VSTM4: variants seen among roughly 807,000 people sequenced by gnomAD.
VSTM4 encodes V-set and transmembrane domain-containing protein 4.
Under a neutral mutation model 36.4 loss-of-function variants are expected in VSTM4, and 20 were observed. The ratio of observed to expected loss-of-function variants is 0.55; its 90% confidence interval spans 0.39 to 0.80. The LOEUF (loss-of-function observed/expected upper bound fraction) is 0.80. VSTM4 is among the 30% of genes least tolerant of loss of function. VSTM4 has a pLI of 0.00. For synonymous variants in VSTM4, 182 were observed against 173.9 expected (o/e 1.05, Z -0.37); for missense variants, 392 against 404.5 (o/e 0.97, Z 0.26).
rs1010456474 is a variant in VSTM4, at chr10:49,066,305, T to G, written c.635-1569A>C. 2.0e-5 allele frequency among the ~76,000 whole-genome samples: 3 copies of G among 152,224 alleles called. No individual in the cohort carries two copies. The East Asian group carries it at 5.8e-4, about 29-fold the overall frequency. On this transcript the variant is annotated intron_variant, in intron 4 of 7. Transcript: ENST00000332853. Reference sequence around the variant, plus strand: ...TCAAACAAGAATTAATGTAAAATACTAATATCTGTGTCAATAAAGCAAATT... The same window carrying G: ...TCAAACAAGAATTAATGTAAAATACGAATATCTGTGTCAATAAAGCAAATT...
intron 7 of VSTM4, among the ~76,000 whole-genome samples, chr10:49,032,938 CTTTT>C (rs10713552): frequency 2.8e-5 from 4 of 143,290 alleles, no homozygotes; most frequent in Non-Finnish European, 3.0e-5. Context: ...CACTCTGATT[CTTTT>C]TTTTTTTTTT....
intron 3 of VSTM4, among the ~76,000 whole-genome samples, chr10:49,083,617 C>G (rs1486880858): frequency 6.6e-6 from 1 of 152,220 alleles, no homozygotes; most frequent in African/African-American, 2.4e-5. Flanking sequence ...AGGCCTGATT[C>G]TCTCTGTTGA....
chr10:49,022,736 A>G (rs1333481928), intron 7 of VSTM4, among the ~76,000 whole-genome samples: 1 of 152,182 alleles, frequency 6.6e-6, no homozygotes, highest in African/African-American at 2.4e-5. Context: ...TGTGTCCTCA[A>G]ATAAGCACAC....
At chr10:49,071,307 G>A (rs965975371) in intron 4 of VSTM4, among the ~76,000 whole-genome samples, 22 of 152,178 alleles carry the variant, frequency 1.4e-4, no homozygotes, top group Admixed American at 1.0e-3. Flanking sequence ...ACTAATTCGC[G>A]AACAAGCAAA....
intron 3 of VSTM4, among the ~76,000 whole-genome samples, chr10:49,085,314 A>C (rs1392866867): frequency 6.6e-6 from 1 of 152,254 alleles, no homozygotes; most frequent in Non-Finnish European, 1.5e-5. Context: ...CTTCCAATTA[A>C]ATCAGAATCT....
intron 5 of VSTM4, among the ~76,000 whole-genome samples, chr10:49,062,975 T>G (rs1287189510): frequency 6.6e-6 from 1 of 152,050 alleles, no homozygotes; most frequent in Non-Finnish European, 1.5e-5. Context: ...TTGGCTGAGA[T>G]TTTTTTATTT....
At chr10:49,082,648 C>T (rs1366870623) in intron 3 of VSTM4, among the ~76,000 whole-genome samples, 2 of 152,090 alleles carry the variant, frequency 1.3e-5, no homozygotes, top group Admixed American at 6.5e-5. Flanking sequence ...GCACTCCATC[C>T]TGGACAACAA....
chr10:49,074,959 T>G (rs2131989205), intron 4 of VSTM4, among the ~76,000 whole-genome samples: 1 of 152,214 alleles, frequency 6.6e-6, no homozygotes, highest in East Asian at 1.9e-4. Flanking sequence ...TGCTGTCAGG[T>G]AAGAGCATTG....
chr10:49,035,034 G>A (rs1041126405), intron 7 of VSTM4, among the ~76,000 whole-genome samples: 3 of 152,208 alleles, frequency 2.0e-5, no homozygotes, highest in Admixed American at 6.5e-5. Context: ...GCTCTGCAGG[G>A]AGGGACAGTC....
intron 3 of VSTM4, among the ~76,000 whole-genome samples, chr10:49,080,002 G>T (rs1844250670): frequency 6.6e-6 from 1 of 151,928 alleles, no homozygotes; most frequent in Non-Finnish European, 1.5e-5. Context: ...TATGATAAAA[G>T]TTTATCATAT....
Position 49,107,797 on chromosome 10 carries a change from T to A in VSTM4, c.254A>T (p.Gln85Leu). The A allele has an allele frequency of 6.8e-6, 11 of 1,614,252 alleles. No individual in the cohort carries two copies. The highest frequency in any genetic ancestry group is 9.3e-6 in the Non-Finnish European group (11 of 1,180,036). The change falls in exon 2 of 8, where the codon CAG becomes CTG. Residue 85 changes from glutamine to leucine, a missense_variant. Coordinates refer to ENST00000332853, the MANE Select transcript of VSTM4 (RefSeq NM_001031746.5). Reference protein sequence around the residue: ...MVKMTKLRVVQYYGNFSRSAK... With the variant: ...MVKMTKLRVVLYYGNFSRSAK... ...GCTGCGGCTGAAATTCCCATAGTAC[T>A]GCACCACCCGGAGCTTGGTCATCTT...
intron 3 of VSTM4, among the ~76,000 whole-genome samples, chr10:49,080,239 C>T (rs1196142578): frequency 1.3e-5 from 2 of 152,192 alleles, no homozygotes; most frequent in Non-Finnish European, 1.5e-5. Flanking sequence ...TAGTTAAGTG[C>T]TTAAGCTGAA....
At chr10:49,053,925 T>C (rs1843737083) in intron 5 of VSTM4, among the ~76,000 whole-genome samples, 1 of 152,232 alleles carries the variant, frequency 6.6e-6, no homozygotes, top group African/African-American at 2.4e-5. Context: ...GCAGCCAACC[T>C]AGATTTTGCA....
At chr10:49,084,082 G>A (rs1013327923) in intron 3 of VSTM4, among the ~76,000 whole-genome samples, 3 of 152,154 alleles carry the variant, frequency 2.0e-5, no homozygotes, top group Non-Finnish European at 4.4e-5. Context: ...CAGAGACATG[G>A]GGCAAACATC....
chr10:49,036,016 C>T (rs1397684249), intron 7 of VSTM4, among the ~76,000 whole-genome samples: 3 of 152,168 alleles, frequency 2.0e-5, no homozygotes, highest in Admixed American at 1.3e-4. Context: ...TTGGCACTAA[C>T]TGTGTGGCCT....
chr10:49,014,998 A>C lies in VSTM4; in HGVS notation c.*4652T>G, dbSNP rs1843082981. The C allele has an allele frequency of 6.6e-6, 1 of 152,164 alleles. No homozygotes were observed. Among genetic ancestry groups the C allele is most frequent in the Non-Finnish European group, 1.5e-5 (1 of 68,092 alleles). The allele number at this position is 152,164 out of a possible 1,614,324, so 9.4% of individuals were successfully genotyped here. On this transcript the variant is annotated 3_prime_UTR_variant, in exon 8 of 8. Coordinates refer to ENST00000332853, the MANE Select transcript of VSTM4 (RefSeq NM_001031746.5). ...AATGAGCACCAGATCCATGTTTCCA[A>C]CAGTTTACATCCTTGTCACTCAAAG...
intron 4 of VSTM4, among the ~76,000 whole-genome samples, chr10:49,071,715 C>A (rs1844082978): frequency 6.6e-6 from 1 of 152,202 alleles, no homozygotes; most frequent in South Asian, 2.1e-4. Context: ...TGTCCTCTTT[C>A]CAGGCAGATG....
At chr10:49,024,814 G>C (rs1479863052) in intron 7 of VSTM4, among the ~76,000 whole-genome samples, 1 of 152,080 alleles carries the variant, frequency 6.6e-6, no homozygotes, top group Non-Finnish European at 1.5e-5. Flanking sequence ...AAGTAGCCCT[G>C]GGTATCTTTT....
At chr10:49,100,048 G>T (rs187995083) in intron 2 of VSTM4, among the ~76,000 whole-genome samples, 52 of 152,108 alleles carry the variant, frequency 3.4e-4, no homozygotes, top group Admixed American at 8.5e-4. Flanking sequence ...GGAAGGAAAA[G>T]GAAAAAGAAA....
Sources: allele counts gnomAD v4.1 joint callset (sites outside exome capture counted in the v4.1 genomes callset), GRCh38; gene constraint gnomAD v4.1.1; transcripts MANE v1.5; gene names NCBI Gene and HGNC (gene_info 2026-07-23, HGNC 2026-07-21).